The following CUL4A variants were observed in gnomAD, a reference collection of about 807,000 sequenced individuals.
CUL4A encodes the protein cullin-4A.
Under a neutral mutation model 95.5 loss-of-function variants are expected in CUL4A, and 16 were observed. That is an observed-to-expected ratio of 0.17 (90% CI 0.11 to 0.25). The LOEUF is 0.25. Among genes scored for constraint, CUL4A ranks in the 10% least tolerant of loss-of-function variants. The pLI is 1.00. For synonymous variants in CUL4A, 380 were observed against 353.1 expected, an observed-to-expected ratio of 1.08 and a Z score of -0.85; for missense variants, 610 against 937.0, an observed-to-expected ratio of 0.65 and a Z score of 4.56.
chr13:113,209,910 G>C, intron 1 of CUL4A, 63 bp from the exon 2 acceptor site: 1 of 1,350,324 alleles, frequency 7.4e-7, no homozygotes, highest in Non-Finnish European at 9.7e-7. Flanking sequence ...GCCGGGTCGG[G>C]GGTGGCTACG....
chr13:113,244,288 T>G (rs563110788), intron 11 of CUL4A, 122 bp from the exon 12 acceptor site: 167 of 698,510 alleles, frequency 2.4e-4, no homozygotes, highest in Middle Eastern at 1.4e-3. Context: ...CAGATATTTG[T>G]TTTTTTGTCA....
intron 3 of CUL4A, among the ~76,000 whole-genome samples, chr13:113,221,608 T>C (rs2040900839): frequency 6.6e-6 from 1 of 152,206 alleles, no homozygotes; most frequent in South Asian, 2.1e-4. Context: ...AGATGGAGTC[T>C]TGCTCTGTCA....
rs376964744 is a variant in CUL4A at position 113,241,820 on chromosome 13, G to C, written c.1036-1148G>C. Among the ~76,000 whole-genome samples the C allele has an allele frequency of 2.1e-4, 32 of 151,988 alleles. No homozygotes were observed. The South Asian group carries it at 6.4e-3, about 31-fold the overall frequency. ...GAGCCACTGCGCCCAGCCTTCTCTT[G>C]GCATCTTTCCACCAGCCAGCTACCT... On this transcript the variant is annotated intron_variant, in intron 10 of 19. Coordinates refer to ENST00000375440, the MANE Select transcript of CUL4A (RefSeq NM_001008895.4).
At chr13:113,215,289 ATGTGACTATGGAGGTCGCTG>A (rs1250137181) in intron 2 of CUL4A, among the ~76,000 whole-genome samples, 9 of 135,136 alleles carry the variant, frequency 6.7e-5, no homozygotes, top group Non-Finnish European at 1.4e-4. Flanking sequence ...GGAGGTCGCT[ATGTGACTATGGAGGTCGCTG>A]TGTGACTATG....
chr13:113,212,460 T>A (rs1365224483), intron 2 of CUL4A, among the ~76,000 whole-genome samples: 1 of 152,194 alleles, frequency 6.6e-6, no homozygotes, highest in East Asian at 1.9e-4. Flanking sequence ...CTATGTAGAG[T>A]GAATTTTTGT....
intron 8 of CUL4A, among the ~76,000 whole-genome samples, chr13:113,235,623 T>A (rs1222356133): frequency 5.3e-5 from 8 of 151,960 alleles, no homozygotes; most frequent in Admixed American, 1.3e-4. Context: ...TGTGTCCATA[T>A]GATGGGAGGC....
At chr13:113,261,349 G>A (rs1021280143) in intron 19 of CUL4A, among the ~76,000 whole-genome samples, 2 of 152,184 alleles carry the variant, frequency 1.3e-5, no homozygotes, top group Admixed American at 6.5e-5. Flanking sequence ...CTCAGGGACA[G>A]GACCGGCCAC....
In CUL4A at chr13:113,254,713, G is replaced by A. The variant is rs1481665273; in HGVS notation, c.1773G>A (p.Val591=). ...TCCAGGGGAAGAAGGAATTCCAGGT[G>A]TCCCTCTTCCAGACACTGGTGCTCC... is the stretch of plus-strand genomic sequence containing the variant. ...EFKEGKKEFQ[V]SLFQTLVLLM... Residue 591 remains valine (V), a synonymous_variant, in exon 17 of 20, where the codon GTG becomes GTA. Transcript: ENST00000375440. The A allele has an allele frequency of 1.2e-6, 2 of 1,611,434 alleles. No homozygotes were observed. The highest frequency in any genetic ancestry group is 2.2e-5 in the South Asian group (2 of 90,438).
chr13:113,221,774 C>T (rs1458902893), intron 3 of CUL4A, among the ~76,000 whole-genome samples: 2 of 152,164 alleles, frequency 1.3e-5, no homozygotes, highest in Non-Finnish European at 2.9e-5. Context: ...GACGGGGTTT[C>T]ACCACATTGG....
chr13:113,250,917 G>A (rs2041978521), intron 15 of CUL4A, among the ~76,000 whole-genome samples: 1 of 152,134 alleles, frequency 6.6e-6, no homozygotes, highest in Non-Finnish European at 1.5e-5. Flanking sequence ...TTCATAGAAA[G>A]GTGACTCTTG....
chr13:113,227,487 G>C (rs568784383), intron 3 of CUL4A, among the ~76,000 whole-genome samples: 15 of 152,356 alleles, frequency 9.8e-5, no homozygotes, highest in Non-Finnish European at 1.2e-4. Context: ...TTACCGTAGA[G>C]TGAGAGCTTC....
Position 113,253,066 on chromosome 13 carries a change from C to T in CUL4A, c.1639-16C>T. 1 of 1,402,092 alleles carries T rather than the reference C, an allele frequency of 7.1e-7. No homozygotes were observed. Among genetic ancestry groups the T allele is most frequent in the Non-Finnish European group, 1.0e-6 (1 of 1,001,056 alleles). The allele number at this position is 1,402,092 out of a possible 1,614,324, so 86.9% of individuals were successfully genotyped here. A position where few individuals can be genotyped will look rare whatever the true frequency, so the allele number is the denominator to read the frequency against. The stretch of plus-strand genomic sequence containing the variant: ...TGGTGTGTGGCATAATTTTGTTGTT[C>T]TCCTATGCTTAACAGATGATTAAAC... On this transcript the variant is annotated splice_polypyrimidine_tract_variant and intron_variant, in intron 15 of 19. Transcript: ENST00000375440.
At chr13:113,246,761 G>A (rs2041868278) in intron 15 of CUL4A, among the ~76,000 whole-genome samples, 1 of 152,130 alleles carries the variant, frequency 6.6e-6, no homozygotes, top group Admixed American at 6.5e-5. Flanking sequence ...AAATTAGGAG[G>A]AGAAAACCTT....
intron 19 of CUL4A, among the ~76,000 whole-genome samples, chr13:113,261,161 T>C (rs2042265104): frequency 6.6e-6 from 1 of 152,230 alleles, no homozygotes; most frequent in South Asian, 2.1e-4. Context: ...GGTAATAGTC[T>C]ACTGTTGCTG....
chr13:113,260,633 G>A lies in CUL4A; in HGVS notation c.2058G>A (p.Glu686=), dbSNP rs748232770. Residue 686 remains glutamate (E), a synonymous_variant, in exon 19 of 20, where the codon GAG becomes GAA. Transcript: ENST00000375440. ...ETVEEQVSTT[E]RVFQDRQYQI... Reference sequence around the variant, plus strand: ...TTGAGGAACAGGTTAGCACCACTGAGAGAGTGTTTCAGGATAGACAATATC... The same window carrying A: ...TTGAGGAACAGGTTAGCACCACTGAAAGAGTGTTTCAGGATAGACAATATC... The A allele has an allele frequency of 1.2e-6, 2 of 1,611,864 alleles. No individual in the cohort carries two copies. The highest frequency in any genetic ancestry group is 1.7e-6 in the Non-Finnish European group (2 of 1,179,512).
intron 2 of CUL4A, among the ~76,000 whole-genome samples, chr13:113,213,904 A>G (rs1229552872): frequency 2.0e-5 from 3 of 152,270 alleles, no homozygotes; most frequent in South Asian, 2.1e-4. Context: ...GGCCTCTCAC[A>G]GAGTCTGAAG....
rs1324670433 is a variant in CUL4A, at chr13:113,266,784, T to C, written c.*3202T>C. 1 of 152,236 alleles carries C rather than the reference T, an allele frequency of 6.6e-6. No individual in the cohort carries two copies. The highest frequency in any genetic ancestry group is 2.1e-4 in the South Asian group (1 of 4,834). The allele number at this position is 152,236 out of a possible 1,614,324, so 9.4% of individuals were successfully genotyped here. A position where few individuals can be genotyped will look rare whatever the true frequency, so the allele number is the denominator to read the frequency against. ...AAAAGTTGGATTAGACTCCTTTTTA[T>C]ACTAAGGGAAGTTCCAAGTGGTCAA... On this transcript the variant is annotated 3_prime_UTR_variant, in exon 20 of 20. Transcript: ENST00000375440.
In CUL4A at chr13:113,242,958, G is replaced by C; in HGVS notation, c.1036-10G>C. The C allele has an allele frequency of 6.3e-7, 1 of 1,596,392 alleles. No homozygotes were observed. Among genetic ancestry groups the C allele is most frequent in the Non-Finnish European group, 8.6e-7 (1 of 1,165,848 alleles). On this transcript the variant is annotated splice_polypyrimidine_tract_variant and intron_variant, in intron 10 of 19. Transcript: ENST00000375440. ...CATGTTGCTGAGTTGGTATTGATTT[G>C]CTTTTGTAGACTTTTGGAACAGCGA...
In CUL4A at chr13:113,262,761, C is replaced by T. The variant is rs116325548; in HGVS notation, c.2185-726C>T. On this transcript the variant is annotated intron_variant, in intron 19 of 19. Coordinates refer to ENST00000375440, the MANE Select transcript of CUL4A (RefSeq NM_001008895.4). ...TTTCCTTTCAAATAAAAATGTGTCA[C>T]GTGATCGGGTCTGCCTCACTTATAC... Among the ~76,000 whole-genome samples, 368 of 152,076 alleles carry T rather than the reference C, an allele frequency of 2.4e-3. 4 individuals are homozygous for T. The highest frequency in any genetic ancestry group is 8.5e-3 in the African/African-American group (353 of 41,318).
Sources: allele counts gnomAD v4.1 joint callset (sites outside exome capture counted in the v4.1 genomes callset), GRCh38; gene constraint gnomAD v4.1.1; transcripts MANE v1.5; gene names NCBI Gene and HGNC (gene_info 2026-07-23, HGNC 2026-07-21).